Variants in ZNF773 observed in about 807,000 individuals in gnomAD.
The protein encoded by ZNF773 is zinc finger protein 419B.
In ZNF773, 11 loss-of-function variants were observed where a neutral mutation model predicts 12.8. The observed-to-expected ratio is 0.86, with a 90% CI of 0.54 to 1.42. The LOEUF (loss-of-function observed/expected upper bound fraction) is 1.42. Among genes scored for constraint, ZNF773 ranks in the 40% most tolerant of loss-of-function variants. ZNF773 has a pLI of 0.00. For missense variants in ZNF773, 518 were observed against 527.2 expected, an observed-to-expected ratio of 0.98 and a Z score of 0.17; for synonymous variants, 175 against 178.4, an observed-to-expected ratio of 0.98 and a Z score of 0.15.
downstream of ZNF773, chr19:57,513,373 G>A (rs1327695771): frequency 8.1e-6 from 2 of 248,238 alleles, no homozygotes; most frequent in Admixed American, 5.5e-5. Flanking sequence ...GTGGAAAACT[G>A]GGGTGAAGAT....
downstream of ZNF773, chr19:57,517,974 C>A: frequency 1.3e-5 from 2 of 153,718 alleles, no homozygotes; most frequent in South Asian, 3.5e-4. Flanking sequence ...GTTTTTTGTT[C>A]ATAGTCTGTA....
At chr19:57,516,990 A>G (rs2089836073), downstream of ZNF773, 1 of 152,236 alleles carries the variant, frequency 6.6e-6, no homozygotes, top group Non-Finnish European at 1.5e-5. Flanking sequence ...TGGCATTATC[A>G]AGGAAAGAGA....
Position 57,506,544 on chromosome 19 carries a change from G to A in ZNF773, c.449G>A (p.Arg150Lys), listed in dbSNP as rs770652345. The change falls in exon 4 of 4, where the codon AGG (arginine) becomes AAG (lysine). Residue 150 changes from arginine to lysine, a missense_variant. Coordinates refer to ENST00000282292, the MANE Select transcript of ZNF773 (RefSeq NM_198542.3). The stretch of plus-strand genomic sequence containing the variant: ...CTATCAGAGAAGTCCTTGCAAAGCA[G>A]GGAAGTTGGGAAGGATCTTCTGACC... ...VHLSEKSLQS[R>K]EVGKDLLTSS... 11 of 1,614,068 alleles carry A rather than the reference G, an allele frequency of 6.8e-6. No homozygotes were observed. Among genetic ancestry groups the A allele is most frequent in the South Asian group, 2.2e-5 (2 of 91,090 alleles).
chr19:57,507,156 C>T lies in ZNF773; in HGVS notation c.1061C>T (p.Thr354Ile). The T allele has an allele frequency of 6.2e-7, 1 of 1,614,212 alleles. No homozygotes were observed. Among genetic ancestry groups the T allele is most frequent in the Non-Finnish European group, 8.5e-7 (1 of 1,180,026 alleles). ...CTTATCAATCATTGGCGTGTTCACA[C>T]TGGAGAAAGGCCTTATGAGTGCAGT... is the stretch of plus-strand genomic sequence containing the variant. ...SSLINHWRVH[T>I]GERPYECSEC... is the part of the protein sequence containing the mutation. Residue 354 changes from threonine to isoleucine, a missense_variant, in exon 4 of 4, where the codon ACT (threonine) becomes ATT (isoleucine). Physicochemically the swap from Thr to Ile is moderately conservative, Grantham distance 89. Transcript: ENST00000282292.
chr19:57,515,453 T>C (rs1180794767), downstream of ZNF773: 1 of 152,236 alleles, frequency 6.6e-6, no homozygotes, highest in East Asian at 1.9e-4. Context: ...CATGGAAGGA[T>C]GTAACCCACT....
In ZNF773 at chr19:57,508,157, A is replaced by T; in HGVS notation, c.*733A>T. 1 of 340,392 alleles carries T rather than the reference A, an allele frequency of 2.9e-6. No homozygotes were observed. The highest frequency in any genetic ancestry group is 3.3e-6 in the Non-Finnish European group (1 of 301,558). 21.1% of individuals were successfully genotyped at this position (340,392 alleles called of 1,614,324 possible). The stretch of plus-strand genomic sequence containing the variant: ...CTTCGTCTCAAAAAAAAAAAAAAAA[A>T]ACAAAAAAAACCCAGAAACTCTGAG... On this transcript the variant is annotated 3_prime_UTR_variant, in exon 4 of 4. Transcript: ENST00000282292.
chr19:57,500,227 A>G (rs2089653601), intron 1 of ZNF773, 114 bp downstream of exon 1: 2 of 1,384,146 alleles, frequency 1.4e-6, no homozygotes, highest in South Asian at 3.0e-5. Context: ...CCCGTTTCTG[A>G]CACGCAGTGT....
At chr19:57,502,429 C>T (rs749572519) in intron 1 of ZNF773, among the ~76,000 whole-genome samples, 1 of 152,156 alleles carries the variant, frequency 6.6e-6, no homozygotes, top group Non-Finnish European at 1.5e-5. Context: ...AAGTGGTTGG[C>T]TGAGGAGCTG....
At chr19:57,503,792 G>T (rs1259182139) in intron 1 of ZNF773, among the ~76,000 whole-genome samples, 1 of 152,014 alleles carries the variant, frequency 6.6e-6, no homozygotes, top group Non-Finnish European at 1.5e-5. Context: ...CGAGTAGCTG[G>T]GATTACAGGC....
chr19:57,506,266 C>T (rs1275578447), intron 3 of ZNF773, 92 bp from the exon 4 acceptor site: 10 of 1,532,246 alleles, frequency 6.5e-6, no homozygotes, highest in Admixed American at 4.2e-5. Flanking sequence ...CAGTCCCACA[C>T]GCTAATTACC....
At chr19:57,516,852 G>A (rs571588540), downstream of ZNF773, 16 of 152,332 alleles carry the variant, frequency 1.1e-4, no homozygotes, top group African/African-American at 3.8e-4. Context: ...TGGGAGAAGT[G>A]AGAATCAGAC....
At chr19:57,506,030 C>T (rs962942503) in intron 3 of ZNF773, among the ~76,000 whole-genome samples, 5 of 152,082 alleles carry the variant, frequency 3.3e-5, no homozygotes, top group African/African-American at 1.2e-4. Context: ...TTTTCTGGAC[C>T]TGGATATAAC....
intron 1 of ZNF773, among the ~76,000 whole-genome samples, chr19:57,500,783 G>A (rs991592920): frequency 6.6e-6 from 1 of 152,162 alleles, no homozygotes; most frequent in Non-Finnish European, 1.5e-5. Context: ...GTGATCCTGA[G>A]ATGTCCCAGA....
rs138317120 is a variant in ZNF773, at chr19:57,500,079, C to T, written c.-2C>T. 0.076 allele frequency: 121,820 copies of T among 1,601,092 alleles called. 5,508 individuals carry two copies. The highest frequency in any genetic ancestry group is 0.15 in the East Asian group (6,639 of 43,896). On this transcript the variant is annotated 5_prime_UTR_variant, in exon 1 of 4. Coordinates refer to ENST00000282292, the MANE Select transcript of ZNF773 (RefSeq NM_198542.3). ...GTCGTTGTCTCACCGCCACAGGCTC[C>T]GATGGCGGCGGCCACGCTGAGGGAC...
At chr19:57,501,973 G>C (rs11669424) in intron 1 of ZNF773, among the ~76,000 whole-genome samples, 1 of 152,070 alleles carries the variant, frequency 6.6e-6, no homozygotes, top group Admixed American at 6.6e-5. Context: ...ACGGAATTTA[G>C]CTCTTGTTGC....
intron 1 of ZNF773, among the ~76,000 whole-genome samples, chr19:57,503,016 T>C (rs2123250376): frequency 6.6e-6 from 1 of 152,250 alleles, no homozygotes; most frequent in South Asian, 2.1e-4. Context: ...TAAGTAGATA[T>C]GGGCAGATTT....
In ZNF773 at chr19:57,500,040, G is replaced by T; in HGVS notation, c.-41G>T. On this transcript the variant is annotated 5_prime_UTR_variant, in exon 1 of 4. Transcript: ENST00000282292. ...TCGGTGGCGGCGCCCAGGGTGGCCC[G>T]GGCCCTTTCCTCGGTCGTTGTCTCA... is the stretch of plus-strand genomic sequence containing the variant. 1 of 1,556,404 alleles carries T rather than the reference G, an allele frequency of 6.4e-7. No individual in the cohort carries two copies. Among genetic ancestry groups the T allele is most frequent in the East Asian group, 2.4e-5 (1 of 41,046 alleles).
rs1397540802 is a variant in ZNF773, at chr19:57,507,467, C to T, written c.*43C>T. 1.3e-6 allele frequency: 2 copies of T among 1,543,754 alleles called. No homozygotes were observed. The highest frequency in any genetic ancestry group is 1.3e-5 in the South Asian group (1 of 77,376). ...GCTGGTGTTTCAACCTCATTCAACA[C>T]CAGAAAGTTCACAGTGTAAAAAAGT... On this transcript the variant is annotated 3_prime_UTR_variant, in exon 4 of 4. Coordinates refer to ENST00000282292, the MANE Select transcript of ZNF773 (RefSeq NM_198542.3).
chr19:57,512,056 G>A (rs1250516791), downstream of ZNF773, among the ~76,000 whole-genome samples: 1 of 152,128 alleles, frequency 6.6e-6, no homozygotes, highest in Non-Finnish European at 1.5e-5. Context: ...ATCAGGCAAT[G>A]GTAATTTTCT....
Sources: gnomAD v4.1 joint callset for allele counts (sites outside exome capture counted in the v4.1 genomes callset) on GRCh38, gnomAD v4.1.1 for gene constraint, MANE v1.5 for transcripts, NCBI Gene and HGNC (gene_info 2026-07-23, HGNC 2026-07-21) for gene names.